Variants in SP110 observed in about 807,000 individuals in gnomAD.
SP110 encodes the protein SP110 nuclear body protein.
In SP110, 62 loss-of-function variants were observed where a neutral mutation model predicts 92.7. That is an observed-to-expected ratio of 0.67 (90% CI 0.55 to 0.83). The LOEUF (loss-of-function observed/expected upper bound fraction) is 0.83. Among genes scored for constraint, SP110 ranks in the 40% least tolerant of loss-of-function variants. The probability of loss-of-function intolerance (pLI) is 0.00; values close to 1 mark genes in which losing one functional copy is unlikely to be tolerated. For missense variants in SP110, 793 were observed against 863.9 expected, an observed-to-expected ratio of 0.92 and a Z score of 1.03; for synonymous variants, 273 against 305.3, an observed-to-expected ratio of 0.89 and a Z score of 1.10.
intron 1 of SP110, among the ~76,000 whole-genome samples, chr2:230,218,121 C>T (rs1227433108): frequency 6.6e-6 from 1 of 152,178 alleles, no homozygotes; most frequent in Non-Finnish European, 1.5e-5. Context: ...ACATTCTTGA[C>T]AAATTGTCAA....
rs200396441 is a variant in SP110 at position 230,212,903 on chromosome 2, T to C, written c.441A>G (p.Pro147=). The change falls in exon 4 of 19, where the codon CCA becomes CCG. Residue 147 remains proline (P), a synonymous_variant. Transcript: ENST00000258381. ...CTCTTGGCGCACAGGGTGAACAGCT[T>C]GGTTGAGGGGGTTGTGGTGGGGGCA... ...LALPPPQPPQ[P]SCSPCAPRVS... is the part of the protein sequence containing the mutation. The C allele has an allele frequency of 8.1e-6, 13 of 1,613,754 alleles. 1 individual carries two copies. The African/African-American group carries it at 1.5e-4, about 18-fold the overall frequency.
rs1443747649 is a variant in SP110 at position 230,211,610 on chromosome 2, G to A, written c.668-57C>T. 7 of 1,016,596 alleles carry A rather than the reference G, an allele frequency of 6.9e-6. No individual in the cohort carries two copies. Among genetic ancestry groups the A allele is most frequent in the Non-Finnish European group, 1.1e-5 (7 of 635,370 alleles). 63.0% of individuals were successfully genotyped at this position (1,016,596 alleles called of 1,614,324 possible). ...AGGAACAGCAAGCAGGGACCAGAATGAGGAGAAAAGAGAATGCTCTATTCC... is the reference window on the plus strand; with the variant it reads ...AGGAACAGCAAGCAGGGACCAGAATAAGGAGAAAAGAGAATGCTCTATTCC... On this transcript the variant is annotated intron_variant, in intron 5 of 18. Coordinates refer to ENST00000258381, the MANE Select transcript of SP110 (RefSeq NM_080424.4). This position sits in a 1 kb window ranked among gnomAD's most constrained non-coding sequence, Gnocchi z 4.2.
chr2:230,186,195 C>T (rs1182385002), intron 10 of SP110, 52 bp from the exon 11 acceptor site: 2 of 1,574,582 alleles, frequency 1.3e-6, no homozygotes, highest in Non-Finnish European at 1.7e-6. Context: ...CTCATGTTCC[C>T]AGCCCCTACC....
Position 230,171,685 on chromosome 2 carries a change from A to G in SP110, c.1887+11T>C, listed in dbSNP as rs766012376. On this transcript the variant is annotated intron_variant, in intron 17 of 18. Transcript: ENST00000258381. ...GCATTTTATGCAAGAGAACCGTAAA[A>G]TGTGACTTACATTAAATGGGATGCC... 5 of 1,606,114 alleles carry G rather than the reference A, an allele frequency of 3.1e-6. No homozygotes were observed. The East Asian group carries it at 1.1e-4, about 36-fold the overall frequency.
chr2:230,171,155 C>T (rs2078429601), intron 17 of SP110, among the ~76,000 whole-genome samples: 2 of 152,218 alleles, frequency 1.3e-5, no homozygotes, highest in Middle Eastern at 3.4e-3. Context: ...TGCAGTGGTG[C>T]GATCTTGGCT....
rs2044508846 is a variant in SP110, at chr2:230,211,773, T to C, written c.668-220A>G. Among the ~76,000 whole-genome samples the C allele has an allele frequency of 6.6e-6, 1 of 152,162 alleles. No homozygotes were observed. Among genetic ancestry groups the C allele is most frequent in the African/African-American group, 2.4e-5 (1 of 41,434 alleles). ...TAGCTTCCTGATTATGTTAACCTTT[T>C]TGGATGGTAGGTATTAGAGGAGTGG... On this transcript the variant is annotated intron_variant, in intron 5 of 18. Coordinates refer to ENST00000258381, the MANE Select transcript of SP110 (RefSeq NM_080424.4). This position sits in a 1 kb window ranked among gnomAD's most constrained non-coding sequence, Gnocchi z 4.2.
At chr2:230,210,148 GCT>G in intron 6 of SP110, 140 bp from the exon 7 acceptor site, 1 of 738,346 alleles carries the variant, frequency 1.4e-6, no homozygotes, top group East Asian at 2.5e-5. Flanking sequence ...GAATTCCCTG[GCT>G]CTGTCTTGAT....
upstream of SP110, among the ~76,000 whole-genome samples, chr2:230,221,081 G>C (rs1304571970): frequency 6.6e-6 from 1 of 151,998 alleles, no homozygotes; most frequent in Non-Finnish European, 1.5e-5. Context: ...AGGAGTTTGA[G>C]ACCATCCTGG....
At chr2:230,186,635 T>C (rs2042374803) in intron 10 of SP110, among the ~76,000 whole-genome samples, 1 of 152,102 alleles carries the variant, frequency 6.6e-6, no homozygotes, top group African/African-American at 2.4e-5. Context: ...ACCCAATACA[T>C]AGGTTTTTAC....
At chr2:230,169,725 C>T (rs1440322651) in intron 18 of SP110, among the ~76,000 whole-genome samples, 1 of 152,296 alleles carries the variant, frequency 6.6e-6, no homozygotes, top group African/African-American at 2.4e-5. Flanking sequence ...TTGTTAATTT[C>T]CACCTGACAG....
intron 5 of SP110, 24 bp downstream of exon 5, chr2:230,212,323 G>A (rs200066573): frequency 1.6e-4 from 243 of 1,555,304 alleles, no homozygotes; most frequent in Non-Finnish European, 1.9e-4. Flanking sequence ...TGAGCTAAGC[G>A]GTATCAGCCC....
chr2:230,202,565 A>C lies in SP110; in HGVS notation c.1048+14T>G. 6.2e-7 allele frequency: 1 copy of C among 1,613,386 alleles called. No individual in the cohort carries two copies. The highest frequency in any genetic ancestry group is 8.5e-7 in the Non-Finnish European group (1 of 1,179,290). On this transcript the variant is annotated intron_variant, in intron 9 of 18. Coordinates refer to ENST00000258381, the MANE Select transcript of SP110 (RefSeq NM_080424.4). Reference sequence around the variant, plus strand: ...CTGAGCCATTCAAATGGCAGATTCCATCATCAGCCTTACCCTCTGATCTCG... The same window carrying C: ...CTGAGCCATTCAAATGGCAGATTCCCTCATCAGCCTTACCCTCTGATCTCG...
Position 230,165,825 on chromosome 2 carries a change from G to C in SP110, c.*3299C>G, listed in dbSNP as rs1311046473. ...AATAGAAGGCAGAAGAAAAAAAATAGACAAAAATAACATTAAAACATTAAA... is the reference window on the plus strand; with the variant it reads ...AATAGAAGGCAGAAGAAAAAAAATACACAAAAATAACATTAAAACATTAAA... On this transcript the variant is annotated 3_prime_UTR_variant, in exon 19 of 19. Transcript: ENST00000258381. Among the ~76,000 whole-genome samples, 1 of 150,590 alleles carries C rather than the reference G, an allele frequency of 6.6e-6. No individual in the cohort carries two copies. The highest frequency in any genetic ancestry group is 1.5e-5 in the Non-Finnish European group (1 of 67,650).
At chr2:230,194,130 G>T (rs991785624) in intron 10 of SP110, among the ~76,000 whole-genome samples, 1 of 152,058 alleles carries the variant, frequency 6.6e-6, no homozygotes, top group Admixed American at 6.6e-5. Context: ...GGCATGCTGG[G>T]AACAAGCAGA....
intron 10 of SP110, among the ~76,000 whole-genome samples, chr2:230,197,294 T>G (rs1221773995): frequency 6.6e-6 from 1 of 150,856 alleles, no homozygotes; most frequent in Non-Finnish European, 1.5e-5. Context: ...TGATGGCCAG[T>G]GATGATGAGC....
Position 230,167,592 on chromosome 2 carries a change from T to C in SP110, c.*1532A>G, listed in dbSNP as rs1560516468. ...TTGCTTCTAAAGATGGGAGCAGCAATGTTTCTTCCCAAGCAACATTCTCCT... is the reference window on the plus strand; with the variant it reads ...TTGCTTCTAAAGATGGGAGCAGCAACGTTTCTTCCCAAGCAACATTCTCCT... On this transcript the variant is annotated 3_prime_UTR_variant, in exon 19 of 19. Coordinates refer to ENST00000258381, the MANE Select transcript of SP110 (RefSeq NM_080424.4). 6.6e-6 allele frequency: 1 copy of C among 152,130 alleles called. No individual in the cohort carries two copies. The highest frequency in any genetic ancestry group is 6.5e-5 in the Admixed American group (1 of 15,286). 9.4% of individuals were successfully genotyped at this position (152,130 alleles called of 1,614,324 possible).
At chr2:230,183,463 A>C in intron 12 of SP110, 109 bp downstream of exon 12, 2 of 817,530 alleles carry the variant, frequency 2.4e-6, no homozygotes, top group South Asian at 2.7e-5. Context: ...GGTGGAGAAC[A>C]ACTTTGGAGG....
chr2:230,203,325 G>A (rs1393829502), intron 8 of SP110: 1 of 160,132 alleles, frequency 6.2e-6, no homozygotes, highest in East Asian at 1.8e-4. Flanking sequence ...TTCACCGGCT[G>A]TTGACTTTAG....
At chr2:230,197,978 T>A (rs2148830666) in intron 10 of SP110, among the ~76,000 whole-genome samples, 1 of 152,300 alleles carries the variant, frequency 6.6e-6, no homozygotes, top group South Asian at 2.1e-4. Flanking sequence ...ACACTGAAGA[T>A]TTTATTAGGA....
Sources: allele counts gnomAD v4.1 joint callset (sites outside exome capture counted in the v4.1 genomes callset), GRCh38; gene constraint gnomAD v4.1.1; non-coding constraint Gnocchi (gnomAD v3.1); transcripts MANE v1.5; gene names NCBI Gene and HGNC (gene_info 2026-07-23, HGNC 2026-07-21).